COL12A1: variants seen among roughly 807,000 people sequenced by gnomAD.
COL12A1 encodes the protein collagen type XII alpha 1 chain.
COL12A1 carries 114 observed loss-of-function variants against 349.7 expected under a neutral mutation model. The ratio of observed to expected loss-of-function variants is 0.33; its 90% CI spans 0.28 to 0.38. COL12A1 has a LOEUF of 0.38. Ranked by LOEUF, COL12A1 falls within the 10% of genes least tolerant of loss-of-function variation. COL12A1 has a pLI of 1.00. For missense variants in COL12A1, 3,284 were observed against 3,756.9 expected (o/e 0.87, Z 3.29); for synonymous variants, 1,369 against 1,329.0 (o/e 1.03, Z -0.66).
chr6:75,183,044 A>G lies in COL12A1; in HGVS notation c.1891+6T>C, dbSNP rs751380770. The G allele has an allele frequency of 1.3e-6, 2 of 1,589,202 alleles. No homozygotes were observed. Among genetic ancestry groups the G allele is most frequent in the Admixed American group, 3.7e-5 (2 of 54,216 alleles). ...GAAATAACTTTTACTCTCAAAGTCTACTAACCTTTCTTCTTTATAGCTGCC... is the reference window on the plus strand; with the variant it reads ...GAAATAACTTTTACTCTCAAAGTCTGCTAACCTTTCTTCTTTATAGCTGCC... On this transcript the variant is annotated splice_donor_region_variant and intron_variant, in intron 10 of 65. Transcript: ENST00000322507.
At chr6:75,152,597 G>A (rs1171353639) in intron 17 of COL12A1, 115 bp from the exon 18 acceptor site, 1 of 1,125,442 alleles carries the variant, frequency 8.9e-7, no homozygotes, top group Non-Finnish European at 1.3e-6. Flanking sequence ...CAGTACTATG[G>A]TCTAGCTCAG....
intron 22 of COL12A1, 80 bp from the exon 23 acceptor site, chr6:75,147,884 C>T: frequency 2.1e-6 from 3 of 1,425,270 alleles, no homozygotes; most frequent in Non-Finnish European, 2.8e-6. Flanking sequence ...AAGTAGTTAA[C>T]TGCAGTGAGC....
At chr6:75,135,254 T>C (rs1766534582) in intron 31 of COL12A1, among the ~76,000 whole-genome samples, 1 of 152,154 alleles carries the variant, frequency 6.6e-6, no homozygotes, top group South Asian at 2.1e-4. Flanking sequence ...TTAATATTAT[T>C]CTTACCTTTT....
intron 13 of COL12A1, among the ~76,000 whole-genome samples, chr6:75,174,407 T>A (rs954607032): frequency 1.3e-5 from 2 of 152,046 alleles, no homozygotes; most frequent in African/African-American, 4.8e-5. Flanking sequence ...ATACAAAAAA[T>A]TAGCCAGGCG....
chr6:75,204,347 A>AT lies in COL12A1; in HGVS notation c.-36+1429dup, dbSNP rs201029744. Among the ~76,000 whole-genome samples the AT allele has an allele frequency of 2.5e-3, 386 of 151,558 alleles. 4 individuals are homozygous for AT. Among genetic ancestry groups the AT allele is most frequent in the Middle Eastern group, 0.01 (3 of 294 alleles). ...CGACCCACCGAAAAGCTGTGCGCAG[A>AT]TTTTTTTTTAACAGCTGAACTCAAC... On this transcript the variant is annotated intron_variant, in intron 1 of 65. Coordinates refer to ENST00000322507, the MANE Select transcript of COL12A1 (RefSeq NM_004370.6).
At chr6:75,128,573 T>C (rs893873968) in intron 37 of COL12A1, 148 bp from the exon 38 acceptor site, 2 of 610,616 alleles carry the variant, frequency 3.3e-6, no homozygotes, top group Non-Finnish European at 4.8e-6. Flanking sequence ...CAAGACAAAC[T>C]ATCTTCACTT....
intron 59 of COL12A1, among the ~76,000 whole-genome samples, 188 bp from the exon 60 acceptor site, chr6:75,095,367 C>T (rs1254983485): frequency 5.9e-5 from 9 of 152,136 alleles, no homozygotes; most frequent in Admixed American, 5.9e-4. Flanking sequence ...CCTGTAATCC[C>T]AGCACTTTGG....
At chr6:75,101,426 G>C (rs549319738) in intron 58 of COL12A1, among the ~76,000 whole-genome samples, 174 bp downstream of exon 58, 5 of 152,188 alleles carry the variant, frequency 3.3e-5, no homozygotes, top group African/African-American at 7.2e-5. Flanking sequence ...TTATTTCAAA[G>C]ACCTTGAGAT....
In COL12A1 at chr6:75,155,563, A is replaced by G. The variant is rs1767710579; in HGVS notation, c.3443+99T>C. On this transcript the variant is annotated intron_variant, in intron 16 of 65. Transcript: ENST00000322507. The stretch of plus-strand genomic sequence containing the variant: ...AAATACTTTGCTGGCAAACAGACAT[A>G]TAAGTGATATTTGTGTAAAGCCTAC... 4.2e-6 allele frequency: 5 copies of G among 1,178,108 alleles called. 1 individual carries two copies. The South Asian group carries it at 4.4e-5, about 10-fold the overall frequency. 73.0% of individuals were successfully genotyped at this position (1,178,108 alleles called of 1,614,324 possible).
chr6:75,152,139 G>C lies in COL12A1; in HGVS notation c.3827C>G (p.Thr1276Ser). The change falls in exon 19 of 66, where the codon ACT becomes AGT. Residue 1276 changes from threonine (T) to serine (S), a missense_variant. This residue lies in a region of COL12A1 where 2,601 missense variants were observed against 2,824.8 expected (regional missense o/e 0.92). Transcript: ENST00000322507. ...VANLPYKGGNTLTGMALNFIR... is the reference protein window; with the variant it reads ...VANLPYKGGNSLTGMALNFIR... Reference sequence around the variant, plus strand: ...AGACAGTCCTTACTCACCTGTGAGAGTATTGCCTCCTTTGTACGGCAAGTT... The same window carrying C: ...AGACAGTCCTTACTCACCTGTGAGACTATTGCCTCCTTTGTACGGCAAGTT... 6.2e-7 allele frequency: 1 copy of C among 1,613,844 alleles called. No individual in the cohort carries two copies. The highest frequency in any genetic ancestry group is 1.7e-5 in the Admixed American group (1 of 59,972).
intron 58 of COL12A1, among the ~76,000 whole-genome samples, chr6:75,099,885 G>A (rs1768223818): frequency 6.6e-6 from 1 of 152,036 alleles, no homozygotes; most frequent in Non-Finnish European, 1.5e-5. Flanking sequence ...ACAACCCTTG[G>A]CCTTGATCTC....
At chr6:75,107,680 A>G (rs937539971) in intron 52 of COL12A1, among the ~76,000 whole-genome samples, 2 of 152,234 alleles carry the variant, frequency 1.3e-5, no homozygotes, top group African/African-American at 4.8e-5. Context: ...AGAAATTATT[A>G]CCAAGTGCTT....
intron 13 of COL12A1, among the ~76,000 whole-genome samples, chr6:75,174,341 G>A (rs1474153140): frequency 2.0e-5 from 3 of 152,040 alleles, no homozygotes; most frequent in Admixed American, 1.3e-4. Flanking sequence ...CGGATCACGA[G>A]GTCAGGAGAT....
At chr6:75,202,617 A>G in intron 2 of COL12A1, 103 bp downstream of exon 2, 1 of 1,148,550 alleles carries the variant, frequency 8.7e-7, no homozygotes, top group Non-Finnish European at 1.2e-6. Context: ...AGAAAGCACG[A>G]AGCGCAGGGA....
rs1250187489 is a variant in COL12A1, at chr6:75,202,814, C to G, written c.-22G>C. On this transcript the variant is annotated 5_prime_UTR_variant, in exon 2 of 66. Coordinates refer to ENST00000322507, the MANE Select transcript of COL12A1 (RefSeq NM_004370.6). ...GCATCCTTGGCCTCCGAGCTTACAG[C>G]GGCATGAAGAGATCTGCGGGAGGAA... The G allele has an allele frequency of 1.3e-6, 2 of 1,550,802 alleles. No homozygotes were observed. Among genetic ancestry groups the G allele is most frequent in the Admixed American group, 2.0e-5 (1 of 50,984 alleles).
intron 26 of COL12A1, 30 bp downstream of exon 26, chr6:75,143,222 T>A: frequency 6.2e-7 from 1 of 1,611,422 alleles, no homozygotes; most frequent in Non-Finnish European, 8.5e-7. Flanking sequence ...AAAACAAATA[T>A]TTTCATATCT....
At chr6:75,138,690 C>A in intron 28 of COL12A1, 110 bp from the exon 29 acceptor site, 1 of 1,560,886 alleles carries the variant, frequency 6.4e-7, no homozygotes, top group South Asian at 1.2e-5. Flanking sequence ...TCCTCCTGCT[C>A]TGATGCATGT....
chr6:75,089,021 C>G, intron 64 of COL12A1, 85 bp downstream of exon 64: 1 of 958,958 alleles, frequency 1.0e-6, no homozygotes, highest in South Asian at 1.5e-5. Context: ...AAAAGAATAA[C>G]AGGATGAAGT....
intron 49 of COL12A1, 98 bp downstream of exon 49, chr6:75,115,686 G>C: frequency 7.0e-7 from 1 of 1,435,952 alleles, no homozygotes; most frequent in South Asian, 1.4e-5. Context: ...GCAGTCTTCT[G>C]ACAATTCTAA....
Sources: allele counts gnomAD v4.1 joint callset (sites outside exome capture counted in the v4.1 genomes callset), GRCh38; gene constraint gnomAD v4.1.1; regional missense constraint gnomAD v4.1.1; transcripts MANE v1.5; gene names NCBI Gene and HGNC (gene_info 2026-07-23, HGNC 2026-07-21).